The following ATG101 variants were observed in gnomAD, a reference collection of about 807,000 sequenced individuals.
The protein encoded by ATG101 is autophagy-related protein 101.
ATG101 carries 6 observed loss-of-function variants against 16.7 expected under a neutral mutation model. The observed-to-expected ratio is 0.36, with a 90% CI of 0.20 to 0.71. The LOEUF (loss-of-function observed/expected upper bound fraction) is 0.71, where lower values mean the gene tolerates loss of function less well. ATG101 is among the 30% of genes least tolerant of loss of function. The probability of loss-of-function intolerance (pLI) is 0.57; values close to 1 mark genes in which losing one functional copy is unlikely to be tolerated. For synonymous variants in ATG101, 108 were observed against 118.1 expected (o/e 0.91, Z 0.56); for missense variants, 200 against 292.5 (o/e 0.68, Z 2.31).
chr12:52,071,174 T>A (rs1939644821), intron 2 of ATG101: 1 of 152,204 alleles, frequency 6.6e-6, no homozygotes, highest in Admixed American at 6.5e-5. Context: ...GAGGCAGAGC[T>A]GGCCTGATCT....
At chr12:52,065,960 C>T (rs1234668584), upstream of ATG101, among the ~76,000 whole-genome samples, 2 of 152,186 alleles carry the variant, frequency 1.3e-5, no homozygotes, top group Non-Finnish European at 2.9e-5. Context: ...TCACCACAAT[C>T]GCCGCCTCCC....
chr12:52,071,405 G>A (rs1939648652), intron 2 of ATG101: 3 of 152,148 alleles, frequency 2.0e-5, no homozygotes, highest in Admixed American at 6.5e-5. Flanking sequence ...GGGGTGAGGG[G>A]GTGGTGGAAT....
upstream of ATG101, among the ~76,000 whole-genome samples, chr12:52,068,087 C>T (rs1226192204): frequency 2.7e-5 from 4 of 149,114 alleles, no homozygotes. Flanking sequence ...CTCTCCGTTG[C>T]CCAGGCTGGA....
In ATG101 at chr12:52,070,563, G is replaced by C. The variant is rs540004509; in HGVS notation, c.-77+80G>C. On this transcript the variant is annotated intron_variant, in intron 2 of 3. Coordinates refer to ENST00000336854, the MANE Select transcript of ATG101 (RefSeq NM_021934.5). ...CTCTGCCACTCGGGGGGACAAGAGG[G>C]ACGAGACTTTCCAGACCCTACTCTG... 5 of 152,630 alleles carry C rather than the reference G, an allele frequency of 3.3e-5. No homozygotes were observed. The East Asian group carries it at 9.6e-4, about 29-fold the overall frequency. The allele number at this position is 152,630 out of a possible 1,614,324, so 9.5% of individuals were successfully genotyped here. A position where few individuals can be genotyped will look rare whatever the true frequency, so the allele number is the denominator to read the frequency against.
intron 2 of ATG101, among the ~76,000 whole-genome samples, chr12:52,072,221 G>A (rs1235182607): frequency 6.6e-6 from 1 of 152,230 alleles, no homozygotes; most frequent in African/African-American, 2.4e-5. Context: ...TAGGTGTTAA[G>A]CAGCTTGCCC....
chr12:52,066,493 C>T (rs1939550605), upstream of ATG101, among the ~76,000 whole-genome samples: 2 of 152,062 alleles, frequency 1.3e-5, no homozygotes, highest in East Asian at 3.9e-4. Context: ...ACAGACAAGC[C>T]CAGAATCATA....
At chr12:52,068,386 G>A (rs934891206), upstream of ATG101, among the ~76,000 whole-genome samples, 1 of 149,748 alleles carries the variant, frequency 6.7e-6, no homozygotes, top group Non-Finnish European at 1.5e-5. Flanking sequence ...ACAGGATCTT[G>A]TTTTGTCATT....
chr12:52,077,203 C>G lies in ATG101; in HGVS notation c.*13C>G. On this transcript the variant is annotated 3_prime_UTR_variant, in exon 4 of 4. Coordinates refer to ENST00000336854, the MANE Select transcript of ATG101 (RefSeq NM_021934.5). ...CCTTGCCCTCTGAGCGTCGCTGGAT[C>G]TCTGGGAGCTCCTTGATGGCTCCCA... The G allele has an allele frequency of 6.2e-7, 1 of 1,607,326 alleles. No individual in the cohort carries two copies. The highest frequency in any genetic ancestry group is 8.5e-7 in the Non-Finnish European group (1 of 1,174,918).
At chr12:52,072,582 G>T (rs1417534287) in intron 2 of ATG101, among the ~76,000 whole-genome samples, 2 of 152,110 alleles carry the variant, frequency 1.3e-5, no homozygotes, top group Non-Finnish European at 2.9e-5. Flanking sequence ...GGAGTCTGTG[G>T]ATGTGGGTGT....
intron 2 of ATG101, among the ~76,000 whole-genome samples, chr12:52,072,491 C>G (rs936666934): frequency 6.6e-6 from 1 of 152,214 alleles, no homozygotes; most frequent in African/African-American, 2.4e-5. Flanking sequence ...TATGCTGCTT[C>G]TGTAACTACA....
chr12:52,076,527 T>A (rs1215070983), intron 3 of ATG101, among the ~76,000 whole-genome samples: 1 of 152,234 alleles, frequency 6.6e-6, no homozygotes, highest in Non-Finnish European at 1.5e-5. Context: ...GTTATTCCTG[T>A]AATATCAGTT....
At chr12:52,068,484 G>A (rs183276189), upstream of ATG101, among the ~76,000 whole-genome samples, 346 of 152,004 alleles carry the variant, frequency 2.3e-3, 2 homozygotes, top group African/African-American at 7.7e-3. Flanking sequence ...CTCTGAAGTA[G>A]CTGGGACTAC....
upstream of ATG101, among the ~76,000 whole-genome samples, chr12:52,066,739 T>C (rs1443106615): frequency 1.3e-5 from 2 of 151,984 alleles, no homozygotes; most frequent in African/African-American, 2.4e-5. Flanking sequence ...CAATGATTGG[T>C]AGTAGTGATG....
rs374253470 is a variant in ATG101 at position 52,077,196 on chromosome 12, G to T, written c.*6G>T. ...AAGACACCCTTGCCCTCTGAGCGTC[G>T]CTGGATCTCTGGGAGCTCCTTGATG... On this transcript the variant is annotated 3_prime_UTR_variant, in exon 4 of 4. Coordinates refer to ENST00000336854, the MANE Select transcript of ATG101 (RefSeq NM_021934.5). The T allele has an allele frequency of 1.6e-5, 25 of 1,609,156 alleles. No individual in the cohort carries two copies. In the African/African-American group the frequency reaches 2.9e-4, roughly 19 times the overall value.
intron 3 of ATG101, among the ~76,000 whole-genome samples, chr12:52,074,227 C>A (rs1251490326): frequency 2.0e-5 from 3 of 152,242 alleles, no homozygotes; most frequent in African/African-American, 7.2e-5. Context: ...GGTTACAGCT[C>A]TCTCTGCTTC....
upstream of ATG101, among the ~76,000 whole-genome samples, chr12:52,068,680 A>G (rs1429636367): frequency 6.6e-6 from 1 of 152,062 alleles, no homozygotes; most frequent in Non-Finnish European, 1.5e-5. Context: ...GGTAATCCCC[A>G]GCTAACACCT....
At chr12:52,074,042 A>C in intron 3 of ATG101, 140 bp downstream of exon 3, 1 of 1,298,910 alleles carries the variant, frequency 7.7e-7, no homozygotes, top group Non-Finnish European at 1.1e-6. Context: ...AGGTTCTGAG[A>C]AACAGATGTG....
At chr12:52,067,815 C>T (rs150092840), upstream of ATG101, among the ~76,000 whole-genome samples, 3 of 150,398 alleles carry the variant, frequency 2.0e-5, no homozygotes, top group Non-Finnish European at 2.9e-5. Flanking sequence ...AGGCTGGTCT[C>T]GAACTCATGA....
At chr12:52,065,588 G>A (rs1939541030), upstream of ATG101, among the ~76,000 whole-genome samples, 1 of 152,194 alleles carries the variant, frequency 6.6e-6, no homozygotes, top group South Asian at 2.1e-4. Context: ...AAGAATTCAG[G>A]GAGGTAGGAA....
Sources: allele counts gnomAD v4.1 joint callset (sites outside exome capture counted in the v4.1 genomes callset), GRCh38; gene constraint gnomAD v4.1.1; transcripts MANE v1.5; gene names NCBI Gene and HGNC (gene_info 2026-07-23, HGNC 2026-07-21).